ZDHHC5: variants seen among roughly 807,000 people sequenced by gnomAD.
ZDHHC5 encodes zDHHC palmitoyltransferase 5, also known as palmitoyltransferase ZDHHC5.
ZDHHC5 carries 22 observed loss-of-function variants against 70.0 expected under a neutral mutation model. The observed-to-expected ratio is 0.31, with a 90% CI of 0.22 to 0.45. The LOEUF (loss-of-function observed/expected upper bound fraction) is 0.45, where lower values mean the gene tolerates loss of function less well. ZDHHC5 is among the 20% of genes least tolerant of loss of function. ZDHHC5 has a pLI of 1.00. For synonymous variants in ZDHHC5, 313 were observed against 347.8 expected (o/e 0.90, Z 1.11); for missense variants, 746 against 926.9 (o/e 0.80, Z 2.53).
In ZDHHC5 at chr11:57,668,192, G is replaced by C; in HGVS notation, c.-1071+5G>C. 5.5e-6 allele frequency: 2 copies of C among 364,458 alleles called. No individual in the cohort carries two copies. The highest frequency in any genetic ancestry group is 9.8e-6 in the Non-Finnish European group (2 of 204,324). The allele number at this position is 364,458 out of a possible 1,614,324, so 22.6% of individuals were successfully genotyped here. A position where few individuals can be genotyped will look rare whatever the true frequency, so the allele number is the denominator to read the frequency against. On this transcript the variant is annotated splice_donor_5th_base_variant and intron_variant, in intron 1 of 11. Coordinates refer to ENST00000287169, the MANE Select transcript of ZDHHC5 (RefSeq NM_015457.3). ...TGACGGGCACCGGGCTCGCGGGTGAGTGCGGAGGACACCGGTCCCTGCGGA... is the reference window on the plus strand; with the variant it reads ...TGACGGGCACCGGGCTCGCGGGTGACTGCGGAGGACACCGGTCCCTGCGGA...
chr11:57,681,482 A>T (rs1021879429), intron 2 of ZDHHC5: 1 of 152,180 alleles, frequency 6.6e-6, no homozygotes, highest in African/African-American at 2.4e-5. Context: ...CTGAGACGAG[A>T]GTGTTTGATA....
At chr11:57,698,175 AAAAG>A (rs1428544110) in intron 10 of ZDHHC5, among the ~76,000 whole-genome samples, 2 of 151,182 alleles carry the variant, frequency 1.3e-5, no homozygotes, top group Non-Finnish European at 2.9e-5. Flanking sequence ...TTACGGGAAA[AAAAG>A]AAGATTAGGG....
chr11:57,698,454 C>T (rs1299872029), intron 10 of ZDHHC5, 105 bp from the exon 11 acceptor site: 1 of 1,444,276 alleles, frequency 6.9e-7, no homozygotes, highest in Non-Finnish European at 9.3e-7. Flanking sequence ...GAGTTCTAAG[C>T]TTATTATTGG....
chr11:57,686,463 G>A lies in ZDHHC5; in HGVS notation c.227-2045G>A, dbSNP rs377247142. 2.2e-4 allele frequency among the ~76,000 whole-genome samples: 34 copies of A among 151,950 alleles called. No homozygotes were observed. In the East Asian group the frequency reaches 2.9e-3, roughly 13 times the overall value. ...CCCGAGTCGCTGGAATTACAGGAGCGTGCCACCGTGCCTGGCTAATTTTTG... is the reference window on the plus strand; with the variant it reads ...CCCGAGTCGCTGGAATTACAGGAGCATGCCACCGTGCCTGGCTAATTTTTG... On this transcript the variant is annotated intron_variant, in intron 3 of 11. Coordinates refer to ENST00000287169, the MANE Select transcript of ZDHHC5 (RefSeq NM_015457.3).
At chr11:57,675,109 A>G (rs1946054520) in intron 2 of ZDHHC5, among the ~76,000 whole-genome samples, 1 of 152,186 alleles carries the variant, frequency 6.6e-6, no homozygotes, top group African/African-American at 2.4e-5. Context: ...ACTAAGGGAC[A>G]TTTATATTAT....
chr11:57,676,660 A>G (rs188302935), intron 2 of ZDHHC5, among the ~76,000 whole-genome samples: 2 of 151,832 alleles, frequency 1.3e-5, no homozygotes, highest in Non-Finnish European at 2.9e-5. Context: ...AAAAAAAAAA[A>G]CCAACATAAA....
intron 3 of ZDHHC5, among the ~76,000 whole-genome samples, chr11:57,685,770 G>C (rs507938): frequency 0.013 from 1,980 of 152,306 alleles, 64 homozygotes; most frequent in African/African-American, 0.044. Context: ...ACTCACGCCT[G>C]TAATCCCAAC....
intron 2 of ZDHHC5, among the ~76,000 whole-genome samples, chr11:57,673,811 A>G (rs1946036992): frequency 6.6e-6 from 1 of 152,188 alleles, no homozygotes; most frequent in Admixed American, 6.5e-5. Flanking sequence ...AACTCAAGTG[A>G]TCCATCCACC....
At chr11:57,670,912 G>A (rs577709537) in intron 1 of ZDHHC5, among the ~76,000 whole-genome samples, 67 of 151,234 alleles carry the variant, frequency 4.4e-4, no homozygotes, top group Middle Eastern at 3.4e-3. Flanking sequence ...CTGGGTTCAA[G>A]TGATTCTCCT....
intron 3 of ZDHHC5, among the ~76,000 whole-genome samples, chr11:57,687,756 G>GTTTTTGTTTTTT (rs1946225358): frequency 4.0e-5 from 3 of 75,274 alleles, no homozygotes; most frequent in African/African-American, 1.6e-4. Context: ...TTTTGGGAAA[G>GTTTTTGTTTTTT]TTTTTTTTTT....
intron 3 of ZDHHC5, among the ~76,000 whole-genome samples, chr11:57,687,193 C>T (rs1946218217): frequency 6.6e-6 from 1 of 152,000 alleles, no homozygotes; most frequent in South Asian, 2.1e-4. Context: ...GTAAAGAAAT[C>T]AGTAAAATTT....
intron 3 of ZDHHC5, 80 bp downstream of exon 3, chr11:57,682,623 G>T: frequency 6.7e-7 from 1 of 1,487,102 alleles, no homozygotes; most frequent in Non-Finnish European, 9.0e-7. Flanking sequence ...TTGATCTTGG[G>T]CCTTAAGAGT....
chr11:57,685,750 G>A (rs766851184), intron 3 of ZDHHC5, among the ~76,000 whole-genome samples: 1 of 152,148 alleles, frequency 6.6e-6, no homozygotes, highest in Admixed American at 6.6e-5. Flanking sequence ...ACCGTGGGCC[G>A]GGTGCCGTGA....
chr11:57,687,800 T>C lies in ZDHHC5; in HGVS notation c.227-708T>C, dbSNP rs145811383. ...TTTTTTTTAAGATGAAGATGAAGTC[T>C]TGCTGTGTTGCCCAGGCTTGAGTGC... On this transcript the variant is annotated intron_variant, in intron 3 of 11. Coordinates refer to ENST00000287169, the MANE Select transcript of ZDHHC5 (RefSeq NM_015457.3). Among the ~76,000 whole-genome samples, 799 of 139,394 alleles carry C rather than the reference T, an allele frequency of 5.7e-3. 4 individuals carry two copies. The highest frequency in any genetic ancestry group is 0.022 in the African/African-American group (770 of 35,782). The allele number at this position is 139,394 out of a possible 152,430, so 91.4% of individuals were successfully genotyped here.
At chr11:57,699,750 GA>G (rs1946415270) in intron 11 of ZDHHC5, 115 bp from the exon 12 acceptor site, 3 of 1,358,042 alleles carry the variant, frequency 2.2e-6, no homozygotes, top group Non-Finnish European at 3.1e-6. Context: ...GTTTGGGTAA[GA>G]AAGTATGGAT....
intron 2 of ZDHHC5, among the ~76,000 whole-genome samples, chr11:57,681,187 A>G (rs1946146119): frequency 6.6e-6 from 1 of 152,134 alleles, no homozygotes; most frequent in Non-Finnish European, 1.5e-5. Context: ...GTTCCTCCAA[A>G]CTGCTCTGAG....
intron 1 of ZDHHC5, among the ~76,000 whole-genome samples, chr11:57,669,824 C>A (rs1042794721): frequency 6.6e-6 from 1 of 152,208 alleles, no homozygotes; most frequent in African/African-American, 2.4e-5. Flanking sequence ...TCTGATGAAC[C>A]ATACTCACCC....
At position 57,697,200 on chromosome 11, in the gene ZDHHC5, C is replaced by T. The variant is rs984024195; in HGVS notation, c.1122+327C>T. ...AAAAATTGCCGGGCACAGTGGCTCA[C>T]GCCTGTAATCCCAGCACTTTGGGAG... On this transcript the variant is annotated intron_variant, in intron 10 of 11. Transcript: ENST00000287169. 1.2e-4 allele frequency among the ~76,000 whole-genome samples: 18 copies of T among 151,078 alleles called. No individual in the cohort carries two copies. The East Asian group carries it at 2.9e-3, about 25-fold the overall frequency.
intron 3 of ZDHHC5, among the ~76,000 whole-genome samples, chr11:57,683,912 TAGAG>T (rs956643841): frequency 6.6e-5 from 10 of 152,058 alleles, no homozygotes; most frequent in African/African-American, 1.9e-4. Flanking sequence ...TATTAGAAAT[TAGAG>T]AGCTCCAATA....
Sources: allele counts gnomAD v4.1 joint callset (sites outside exome capture counted in the v4.1 genomes callset), GRCh38; gene constraint gnomAD v4.1.1; transcripts MANE v1.5; gene names NCBI Gene and HGNC (gene_info 2026-07-23, HGNC 2026-07-21).